Variants in SCN1A observed in about 807,000 individuals in gnomAD.
SCN1A encodes sodium channel protein type 1 subunit alpha.
In SCN1A, 13 loss-of-function variants were observed where a neutral mutation model predicts 193.7. The ratio of observed to expected loss-of-function variants is 0.07; its 90% CI spans 0.04 to 0.11. The LOEUF (loss-of-function observed/expected upper bound fraction) is 0.11. Among genes scored for constraint, SCN1A ranks in the 10% least tolerant of loss-of-function variants. The pLI is 1.00. For missense variants in SCN1A, 1,432 were observed against 2,451.1 expected (o/e 0.58, Z 8.78); for synonymous variants, 781 against 843.6 (o/e 0.93, Z 1.29).
chr2:166,119,480 C>T (rs951135975), intron 2 of SCN1A, among the ~76,000 whole-genome samples: 6 of 152,016 alleles, frequency 3.9e-5, no homozygotes, highest in South Asian at 2.1e-4. Flanking sequence ...ATTTATTCTT[C>T]AGTATTCTCA....
chr2:166,068,795 C>A (rs1467887229), intron 4 of SCN1A, among the ~76,000 whole-genome samples: 1 of 152,086 alleles, frequency 6.6e-6, no homozygotes, highest in Non-Finnish European at 1.5e-5. Flanking sequence ...TTTAAATGAT[C>A]CATAGGACTT....
chr2:166,078,277 T>C (rs537984430), intron 2 of SCN1A, among the ~76,000 whole-genome samples: 1 of 151,852 alleles, frequency 6.6e-6, no homozygotes, highest in Non-Finnish European at 1.5e-5. Flanking sequence ...CTAATACATA[T>C]AATATAGCAC....
intron 16 of SCN1A, among the ~76,000 whole-genome samples, chr2:166,040,114 T>G (rs1381546588): frequency 1.3e-5 from 2 of 151,910 alleles, no homozygotes; most frequent in Non-Finnish European, 2.9e-5. Context: ...GAGACGGGGT[T>G]TCACCATGTT....
chr2:166,028,119 T>C (rs1158437486), intron 19 of SCN1A, among the ~76,000 whole-genome samples: 8 of 152,158 alleles, frequency 5.3e-5, no homozygotes, highest in Admixed American at 5.2e-4. Context: ...GGAATACGGC[T>C]CTAATATACT....
intron 28 of SCN1A, 168 bp downstream of exon 28, chr2:165,993,978 A>C (rs556782501): frequency 1.6e-6 from 1 of 627,926 alleles, no homozygotes; most frequent in Admixed American, 2.9e-5. Context: ...AACAATACTG[A>C]CATATAGTAG....
In SCN1A at chr2:166,040,241, C is replaced by G. The variant is rs965572026; in HGVS notation, c.2416-645G>C. On this transcript the variant is annotated intron_variant, in intron 16 of 28. Coordinates refer to ENST00000674923, the MANE Select transcript of SCN1A (RefSeq NM_001165963.4). ...CCCAAGTCATCTATTTTTAACAGTG[C>G]TCTTTCCATTATACCAAACTACCTT... 4.6e-5 allele frequency among the ~76,000 whole-genome samples: 7 copies of G among 152,218 alleles called. No homozygotes were observed. The South Asian group carries it at 6.2e-4, about 14-fold the overall frequency.
chr2:166,145,142 ATTTTTTTTTTTTTT>A (rs10527781), intron 1 of SCN1A, among the ~76,000 whole-genome samples: 92,891 of 132,146 alleles, frequency 0.7, 32,805 homozygotes, highest in Admixed American at 0.8. Context: ...GGCCTAAGTA[ATTTTTTTTTTTTTT>A]TTTTTTTTTT....
At chr2:166,043,611 A>G (rs774763004) in intron 14 of SCN1A, 58 bp downstream of exon 14, 22 of 1,541,730 alleles carry the variant, frequency 1.4e-5, no homozygotes, top group African/African-American at 4.1e-5. Flanking sequence ...CTGTAGAAAC[A>G]CTGGCTGGTG....
intron 4 of SCN1A, among the ~76,000 whole-genome samples, chr2:166,059,244 T>C (rs1051728304): frequency 6.6e-6 from 1 of 152,178 alleles, no homozygotes; most frequent in Admixed American, 6.5e-5. Context: ...TTGGGTTAGA[T>C]GGATGTAATC....
chr2:165,996,170 T>C lies in SCN1A; in HGVS notation c.4477-53A>G, dbSNP rs142229638. ...AAAACTGTGTCCTTTTGTACATTTT[T>C]TTCAATGTTAAAATAGAAAATGGAT... On this transcript the variant is annotated intron_variant, in intron 26 of 28. Coordinates refer to ENST00000674923, the MANE Select transcript of SCN1A (RefSeq NM_001165963.4). 195 of 1,154,514 alleles carry C rather than the reference T, an allele frequency of 1.7e-4. No homozygotes were observed. In the African/African-American group the frequency reaches 2.6e-3, roughly 15 times the overall value. 71.5% of individuals were successfully genotyped at this position (1,154,514 alleles called of 1,614,324 possible).
At chr2:166,082,996 T>C (rs539899740) in intron 2 of SCN1A, among the ~76,000 whole-genome samples, 57 of 152,226 alleles carry the variant, frequency 3.7e-4, no homozygotes, top group African/African-American at 1.2e-3. Context: ...TTTTGTAGTG[T>C]TCTTGCCACC....
chr2:166,146,097 A>C (rs1347831017), intron 1 of SCN1A, among the ~76,000 whole-genome samples: 1 of 152,200 alleles, frequency 6.6e-6, no homozygotes, highest in Non-Finnish European at 1.5e-5. Flanking sequence ...ACACTGGGTC[A>C]CTTGACAGAG....
At chr2:166,004,541 C>G (rs1691389037) in intron 23 of SCN1A, among the ~76,000 whole-genome samples, 1 of 151,470 alleles carries the variant, frequency 6.6e-6, no homozygotes, top group South Asian at 2.1e-4. Flanking sequence ...CTAACCTTCT[C>G]CTTCATTTAA....
At chr2:166,075,602 A>G (rs936320534) in intron 3 of SCN1A, among the ~76,000 whole-genome samples, 6 of 152,014 alleles carry the variant, frequency 3.9e-5, no homozygotes, top group African/African-American at 1.4e-4. Context: ...GTTGTTTCCA[A>G]TCTTTAGCTA....
At chr2:166,098,199 G>T (rs1004191338) in intron 2 of SCN1A, among the ~76,000 whole-genome samples, 1 of 152,156 alleles carries the variant, frequency 6.6e-6, no homozygotes, top group Admixed American at 6.5e-5. Flanking sequence ...TTCCTAGGAT[G>T]CAAGGTTGGT....
intron 1 of SCN1A, chr2:166,133,727 T>C (rs1415165259): frequency 1.3e-5 from 2 of 152,170 alleles, no homozygotes; most frequent in Non-Finnish European, 2.9e-5. Context: ...ACACTAAATG[T>C]CGTTTTTCAA....
At chr2:166,144,145 T>A (rs1692208542) in intron 1 of SCN1A, among the ~76,000 whole-genome samples, 1 of 152,164 alleles carries the variant, frequency 6.6e-6, no homozygotes, top group Non-Finnish European at 1.5e-5. Flanking sequence ...TTAACTAGGG[T>A]GGTTAATGTT....
At chr2:166,025,324 A>G (rs1287808593) in intron 19 of SCN1A, among the ~76,000 whole-genome samples, 1 of 152,186 alleles carries the variant, frequency 6.6e-6, no homozygotes, top group Non-Finnish European at 1.5e-5. Flanking sequence ...CTGCCAGCTC[A>G]TGGCCCAGAA....
At chr2:166,114,513 T>G (rs1169153359) in intron 2 of SCN1A, among the ~76,000 whole-genome samples, 1 of 152,238 alleles carries the variant, frequency 6.6e-6, no homozygotes, top group East Asian at 1.9e-4. Flanking sequence ...ATATCTTGTG[T>G]GTACTGCATG....
Sources: allele counts gnomAD v4.1 joint callset (sites outside exome capture counted in the v4.1 genomes callset), GRCh38; gene constraint gnomAD v4.1.1; transcripts MANE v1.5; gene names NCBI Gene and HGNC (gene_info 2026-07-23, HGNC 2026-07-21).